Variants in NRG1 observed in about 807,000 individuals in gnomAD.
NRG1 encodes neuregulin 1.
In NRG1, 18 loss-of-function variants were observed where a neutral mutation model predicts 63.8. That is an observed-to-expected ratio of 0.28 (90% CI 0.19 to 0.42). The LOEUF is 0.42. NRG1 is among the 10% of genes least tolerant of loss of function. The pLI is 1.00. For missense variants in NRG1, 762 were observed against 814.7 expected (o/e 0.94, Z 0.79); for synonymous variants, 302 against 301.3 (o/e 1.00, Z -0.02).
At chr8:31,893,594 A>G (rs1831323665) in intron 1 of NRG1, among the ~76,000 whole-genome samples, 4 of 151,696 alleles carry the variant, frequency 2.6e-5, no homozygotes, top group Admixed American at 2.0e-4. Flanking sequence ...ATAAGAGAAA[A>G]CAAGACAAAA....
At chr8:32,462,189 A>C (rs1822401848) in intron 1 of NRG1, among the ~76,000 whole-genome samples, 1 of 152,200 alleles carries the variant, frequency 6.6e-6, no homozygotes, top group African/African-American at 2.4e-5. Context: ...GTTTTACGAA[A>C]AGGAGAAATG....
At chr8:32,213,163 A>T in intron 1 of NRG1, among the ~76,000 whole-genome samples, 1 of 152,310 alleles carries the variant, frequency 6.6e-6, no homozygotes, top group East Asian at 1.9e-4. Context: ...ACAGGCTCAC[A>T]TATGTTCACT....
intron 1 of NRG1, among the ~76,000 whole-genome samples, chr8:32,296,629 A>C (rs961615166): frequency 6.6e-6 from 1 of 151,764 alleles, no homozygotes; most frequent in East Asian, 2.0e-4. Flanking sequence ...AAAAAAAAAA[A>C]AAAAGCTTCC....
chr8:32,661,282 A>C (rs1435052848), intron 5 of NRG1, among the ~76,000 whole-genome samples: 1 of 152,228 alleles, frequency 6.6e-6, no homozygotes, highest in Non-Finnish European at 1.5e-5. Context: ...TTAGTTGTTG[A>C]AGAACTGTTG....
chr8:32,052,438 A>G (rs34845550), intron 1 of NRG1, among the ~76,000 whole-genome samples: 33,245 of 151,760 alleles, frequency 0.22, 4,508 homozygotes, highest in East Asian at 0.64. Context: ...ACCATGCCCC[A>G]TTAATTTTTT....
intron 1 of NRG1, among the ~76,000 whole-genome samples, chr8:31,817,602 G>A (rs970804606): frequency 6.6e-6 from 1 of 152,114 alleles, no homozygotes; most frequent in African/African-American, 2.4e-5. Flanking sequence ...ATCAATCTGT[G>A]GTATAGTAGA....
chr8:32,356,273 G>A (rs1216048735), intron 1 of NRG1, among the ~76,000 whole-genome samples: 1 of 152,068 alleles, frequency 6.6e-6, no homozygotes, highest in Non-Finnish European at 1.5e-5. Context: ...CCAATTCTTG[G>A]TTCAAAATAC....
chr8:32,098,172 G>A (rs1369089945), intron 1 of NRG1, among the ~76,000 whole-genome samples: 1 of 152,036 alleles, frequency 6.6e-6, no homozygotes, highest in Non-Finnish European at 1.5e-5. Context: ...TCAGGCTAGA[G>A]AAAGTGTTTA....
intron 1 of NRG1, among the ~76,000 whole-genome samples, chr8:32,243,429 CAA>C (rs1182978520): frequency 1.5e-5 from 1 of 66,102 alleles, no homozygotes; most frequent in East Asian, 3.2e-4. Context: ...GACTCTGTCT[CAA>C]AAGAAAAAAA....
chr8:32,343,570 C>G (rs1563336871), intron 1 of NRG1, among the ~76,000 whole-genome samples: 1 of 152,170 alleles, frequency 6.6e-6, no homozygotes, highest in Non-Finnish European at 1.5e-5. Flanking sequence ...ACCTAATAAG[C>G]AGATTTGCAG....
rs564547157 is a variant in NRG1 at position 31,678,023 on chromosome 8, A to G, written c.37+38592A>G. 3.5e-5 allele frequency among the ~76,000 whole-genome samples: 5 copies of G among 144,158 alleles called. No homozygotes were observed. In the East Asian group the frequency reaches 9.7e-4, roughly 28 times the overall value. 94.6% of individuals were successfully genotyped at this position (144,158 alleles called of 152,430 possible). On this transcript the variant is annotated intron_variant, in intron 1 of 10. Transcript: ENST00000519301. ...TGATTCTTCAGCTGGCTTTCTGCCA[A>G]TGATAAATTAAAAAAAAAAAACTAC...
intron 1 of NRG1, among the ~76,000 whole-genome samples, chr8:32,135,962 G>A (rs1481962180): frequency 1.6e-5 from 2 of 126,012 alleles, no homozygotes; most frequent in Non-Finnish European, 3.8e-5. Flanking sequence ...AGTGATTGTT[G>A]AGATGTTTTG....
chr8:32,120,498 C>T (rs1393649230), intron 1 of NRG1, among the ~76,000 whole-genome samples: 1 of 152,046 alleles, frequency 6.6e-6, no homozygotes, highest in African/African-American at 2.4e-5. Flanking sequence ...GATTTCCCTT[C>T]TCTCCCCAAA....
intron 1 of NRG1, among the ~76,000 whole-genome samples, chr8:32,087,575 ATTC>A (rs1828434083): frequency 7.5e-6 from 1 of 132,980 alleles, no homozygotes; most frequent in African/African-American, 2.7e-5. Context: ...GGTTCAAGCA[ATTC>A]TTCTGCCTCT....
At chr8:32,013,978 T>C (rs1454171836) in intron 1 of NRG1, among the ~76,000 whole-genome samples, 8 of 152,168 alleles carry the variant, frequency 5.3e-5, no homozygotes, top group Admixed American at 3.9e-4. Context: ...ATGACAACTA[T>C]TACAGCTGTC....
intron 5 of NRG1, among the ~76,000 whole-genome samples, chr8:32,658,197 G>A (rs1801985189): frequency 6.6e-6 from 1 of 152,156 alleles, no homozygotes; most frequent in African/African-American, 2.4e-5. Context: ...CATGTAATCA[G>A]TGGGATCAAT....
chr8:32,641,859 C>A (rs1852456099), intron 5 of NRG1, among the ~76,000 whole-genome samples: 2 of 152,210 alleles, frequency 1.3e-5, no homozygotes, highest in African/African-American at 4.8e-5. Context: ...AAATGAGTTT[C>A]ATTCATCTCA....
intron 7 of NRG1, among the ~76,000 whole-genome samples, chr8:32,748,443 G>GT (rs1828001975): frequency 6.6e-6 from 1 of 151,598 alleles, no homozygotes; most frequent in Non-Finnish European, 1.5e-5. Context: ...TTGATTATCA[G>GT]TTTTGGTTTT....
intron 1 of NRG1, among the ~76,000 whole-genome samples, chr8:31,921,578 T>C (rs1833923791): frequency 6.6e-6 from 1 of 152,160 alleles, no homozygotes; most frequent in African/African-American, 2.4e-5. Flanking sequence ...CATCCTTCCC[T>C]CTGACCTCTG....
Sources: gnomAD v4.1 joint callset for allele counts (sites outside exome capture counted in the v4.1 genomes callset) on GRCh38, gnomAD v4.1.1 for gene constraint, MANE v1.5 for transcripts, NCBI Gene and HGNC (gene_info 2026-07-23, HGNC 2026-07-21) for gene names.